The following C7orf33 variants were observed in gnomAD, a reference collection of about 807,000 sequenced individuals.
C7orf33 encodes uncharacterized protein C7orf33.
C7orf33 carries 15 observed loss-of-function variants against 13.4 expected under a neutral mutation model. The ratio of observed to expected loss-of-function variants is 1.12; its 90% CI spans 0.75 to 1.72. C7orf33 has a LOEUF of 1.72. C7orf33 is among the 40% of genes most tolerant of loss of function. The pLI is 0.00. For synonymous variants in C7orf33, 73 were observed against 83.2 expected, an observed-to-expected ratio of 0.88 and a Z score of 0.67; for missense variants, 187 against 220.3, an observed-to-expected ratio of 0.85 and a Z score of 0.96.
At chr7:148,615,232 C>T (rs778635964) in intron 2 of C7orf33, 95 bp from the exon 3 acceptor site, 9 of 845,728 alleles carry the variant, frequency 1.1e-5, no homozygotes, top group Non-Finnish European at 1.8e-5. Flanking sequence ...AGCCACCATG[C>T]CAGGCTGAGA....
intron 1 of C7orf33, among the ~76,000 whole-genome samples, chr7:148,599,876 C>T (rs1170336553): frequency 1.3e-5 from 2 of 152,194 alleles, no homozygotes; most frequent in Non-Finnish European, 2.9e-5. Flanking sequence ...TCCAGCTCTG[C>T]CCTGCACCTC....
At chr7:148,608,459 C>A (rs1796499753) in intron 1 of C7orf33, among the ~76,000 whole-genome samples, 1 of 151,552 alleles carries the variant, frequency 6.6e-6, no homozygotes, top group Admixed American at 6.6e-5. Flanking sequence ...TAAGTCCCCT[C>A]CCCTTGCCTG....
intron 1 of C7orf33, among the ~76,000 whole-genome samples, chr7:148,596,074 T>C (rs1796335430): frequency 6.6e-6 from 1 of 152,174 alleles, no homozygotes; most frequent in Non-Finnish European, 1.5e-5. Flanking sequence ...CTGCAGTTGA[T>C]GCAGAGTTCG....
chr7:148,600,939 A>G (rs933533767), intron 1 of C7orf33, among the ~76,000 whole-genome samples: 3 of 150,984 alleles, frequency 2.0e-5, no homozygotes, highest in Non-Finnish European at 2.9e-5. Flanking sequence ...AGTAGCTGGG[A>G]CTACAGGCAC....
Position 148,614,089 on chromosome 7 carries a change from T to C in C7orf33, c.252T>C (p.Ala84=). 6.2e-7 allele frequency: 1 copy of C among 1,614,208 alleles called. No homozygotes were observed. The highest frequency in any genetic ancestry group is 8.5e-7 in the Non-Finnish European group (1 of 1,180,024). The part of the protein sequence containing the change: ...QNMNRGMEFI[A]PVSAPTKSGA... ...TGAACCGGGGGATGGAATTTATTGC[T>C]CCTGTATCAGCTCCCACCAAATCTG... The change falls in exon 2 of 3, where the codon GCT becomes GCC. Residue 84 remains alanine, a synonymous_variant. Coordinates refer to ENST00000307003, the MANE Select transcript of C7orf33 (RefSeq NM_145304.4).
At chr7:148,599,185 A>G (rs1224026962) in intron 1 of C7orf33, among the ~76,000 whole-genome samples, 2 of 152,076 alleles carry the variant, frequency 1.3e-5, no homozygotes, top group Non-Finnish European at 2.9e-5. Context: ...ATTGAGCCAG[A>G]TGCAGAATGG....
intron 1 of C7orf33, among the ~76,000 whole-genome samples, chr7:148,598,871 ATTTAT>A (rs1796381923): frequency 6.7e-6 from 1 of 148,794 alleles, no homozygotes; most frequent in African/African-American, 2.5e-5. Context: ...TTATTTATTT[ATTTAT>A]TTTAAGACAG....
At chr7:148,613,205 CAA>C (rs1263301688) in intron 1 of C7orf33, among the ~76,000 whole-genome samples, 1 of 152,184 alleles carries the variant, frequency 6.6e-6, no homozygotes, top group African/African-American at 2.4e-5. Flanking sequence ...TCCATGGGCT[CAA>C]GTTTTCTTTT....
chr7:148,606,172 C>T (rs1054173631), intron 1 of C7orf33, among the ~76,000 whole-genome samples: 24 of 152,178 alleles, frequency 1.6e-4, no homozygotes, highest in African/African-American at 5.8e-4. Flanking sequence ...AGGGACAGGA[C>T]AGTAAAGAAA....
intron 1 of C7orf33, among the ~76,000 whole-genome samples, chr7:148,599,496 C>T (rs773520867): frequency 1.1e-4 from 13 of 121,170 alleles, no homozygotes; most frequent in East Asian, 4.9e-4. Flanking sequence ...TTTTTTGAGA[C>T]GGAGTCTTGC....
intron 2 of C7orf33, among the ~76,000 whole-genome samples, chr7:148,614,624 C>T (rs771992197): frequency 1.3e-4 from 20 of 152,184 alleles, no homozygotes; most frequent in East Asian, 3.8e-4. Context: ...GGGAATTCTT[C>T]GTGCAAATGC....
At chr7:148,600,063 C>T (rs956061260) in intron 1 of C7orf33, among the ~76,000 whole-genome samples, 1 of 152,170 alleles carries the variant, frequency 6.6e-6, no homozygotes, top group South Asian at 2.1e-4. Context: ...GCCCATGCCC[C>T]GCAGTTTTGT....
intron 1 of C7orf33, 75 bp from the exon 2 acceptor site, chr7:148,613,967 G>T: frequency 6.8e-7 from 1 of 1,466,516 alleles, no homozygotes; most frequent in South Asian, 1.2e-5. Flanking sequence ...AGAAATGTGA[G>T]AACAAATTAG....
At chr7:148,604,583 T>C (rs989314971) in intron 1 of C7orf33, among the ~76,000 whole-genome samples, 1 of 152,148 alleles carries the variant, frequency 6.6e-6, no homozygotes, top group African/African-American at 2.4e-5. Context: ...GGATGAGGAA[T>C]AAAAGACTAC....
intron 2 of C7orf33, 64 bp from the exon 3 acceptor site, chr7:148,615,263 T>C (rs991233966): frequency 1.8e-6 from 2 of 1,090,684 alleles, no homozygotes; most frequent in African/African-American, 3.1e-5. Context: ...AACTGTGCTA[T>C]TGATGTTCTA....
At chr7:148,605,979 A>G (rs552908717) in intron 1 of C7orf33, among the ~76,000 whole-genome samples, 1 of 152,350 alleles carries the variant, frequency 6.6e-6, no homozygotes, top group East Asian at 1.9e-4. Context: ...TTATAGGATA[A>G]ACAGAATGGC....
At position 148,597,678 on chromosome 7, in the gene C7orf33, C is replaced by G. The variant is rs527473936; in HGVS notation, c.204+6549C>G. Among the ~76,000 whole-genome samples the G allele has an allele frequency of 3.9e-5, 6 of 152,248 alleles. No individual in the cohort carries two copies. In the East Asian group the frequency reaches 1.2e-3, roughly 29 times the overall value. On this transcript the variant is annotated intron_variant, in intron 1 of 2. Coordinates refer to ENST00000307003, the MANE Select transcript of C7orf33 (RefSeq NM_145304.4). ...GCCCCATCCTTCCCAATCTCCCATC[C>G]CAAAAAGTAACCATTATTCTGAATT...
At chr7:148,597,945 T>C (rs763472801) in intron 1 of C7orf33, among the ~76,000 whole-genome samples, 16 of 152,074 alleles carry the variant, frequency 1.1e-4, no homozygotes, top group Admixed American at 2.6e-4. Flanking sequence ...TTAGTAGAGA[T>C]GGGGTTTCAC....
At chr7:148,597,498 T>C (rs1796353418) in intron 1 of C7orf33, among the ~76,000 whole-genome samples, 1 of 151,938 alleles carries the variant, frequency 6.6e-6, no homozygotes, top group Admixed American at 6.6e-5. Flanking sequence ...GCCAGGCTGG[T>C]CTCAAACTCC....
Sources: allele counts gnomAD v4.1 joint callset (sites outside exome capture counted in the v4.1 genomes callset), GRCh38; gene constraint gnomAD v4.1.1; transcripts MANE v1.5; gene names NCBI Gene and HGNC (gene_info 2026-07-23, HGNC 2026-07-21).